MYO3A: variants seen among roughly 807,000 people sequenced by gnomAD.
MYO3A encodes the protein myosin-IIIa.
Under a neutral mutation model 192.7 loss-of-function variants are expected in MYO3A, and 180 were observed. That is an observed-to-expected ratio of 0.93 (90% confidence interval 0.83 to 1.06). MYO3A has a LOEUF of 1.06. Among genes scored for constraint, MYO3A ranks in the 50% least tolerant of loss-of-function variants. MYO3A has a pLI of 0.00. For missense variants in MYO3A, 1,896 were observed against 1,905.0 expected, an observed-to-expected ratio of 1.00 and a Z score of 0.09; for synonymous variants, 628 against 645.3, an observed-to-expected ratio of 0.97 and a Z score of 0.41.
rs758223666 is a variant in MYO3A, at chr10:26,211,899, C to T, written c.4787C>T (p.Pro1596Leu). Residue 1596 changes from proline to leucine, a missense_variant, in exon 35 of 35, where the codon CCC (proline) becomes CTC (leucine). Transcript: ENST00000642920. The stretch of plus-strand genomic sequence containing the variant: ...GAGGAGAGAGAGCCAGCAGCCAACC[C>T]CTACGACTTCAGGAGGCTCCTGCGC... ...KEEEREPAAN[P>L]YDFRRLLRKT... 2.1e-5 allele frequency: 34 copies of T among 1,613,928 alleles called. 1 individual carries two copies. Among genetic ancestry groups the T allele is most frequent in the Non-Finnish European group, 2.9e-5 (34 of 1,180,008 alleles).
intron 32 of MYO3A, among the ~76,000 whole-genome samples, chr10:26,193,701 C>T (rs1000793095): frequency 4.6e-5 from 7 of 152,268 alleles, no homozygotes; most frequent in East Asian, 1.9e-4. Flanking sequence ...GGGAAACAGA[C>T]GTTTATTAAG....
In MYO3A at chr10:26,088,231, T is replaced by C. The variant is rs1836463868; in HGVS notation, c.1388T>C (p.Ile463Thr). 8 of 1,612,338 alleles carry C rather than the reference T, an allele frequency of 5.0e-6. No individual in the cohort carries two copies. Among genetic ancestry groups the C allele is most frequent in the Non-Finnish European group, 5.1e-6 (6 of 1,179,206 alleles). ...KANNRTLQEK[I>T]LQVNNLVEAF... ...AATAACAGAACCTTGCAAGAGAAGA[T>C]TTTACAAGTGAACAATTTGGTAGAA... The change falls in exon 15 of 35, where the codon ATT becomes ACT. Residue 463 changes from isoleucine to threonine, a missense_variant. Ile to Thr is a moderately conservative substitution (Grantham distance 89). Transcript: ENST00000642920.
chr10:26,182,445 A>C (rs1386498880), intron 31 of MYO3A, among the ~76,000 whole-genome samples: 1 of 152,242 alleles, frequency 6.6e-6, no homozygotes, highest in Non-Finnish European at 1.5e-5. Context: ...GATAGGAACC[A>C]AAAACCCTTT....
intron 10 of MYO3A, among the ~76,000 whole-genome samples, chr10:26,034,767 G>T (rs984701480): frequency 1.3e-5 from 2 of 151,246 alleles, no homozygotes; most frequent in Non-Finnish European, 2.9e-5. Context: ...TGATGGATTT[G>T]CTTCAAAATT....
At chr10:25,968,013 G>A (rs1251255623) in intron 4 of MYO3A, among the ~76,000 whole-genome samples, 3 of 152,084 alleles carry the variant, frequency 2.0e-5, no homozygotes, top group Non-Finnish European at 4.4e-5. Flanking sequence ...AGGGGGTGGA[G>A]GATATCATTT....
intron 15 of MYO3A, among the ~76,000 whole-genome samples, chr10:26,089,337 C>A (rs1836547580): frequency 1.3e-5 from 2 of 152,118 alleles, no homozygotes; most frequent in South Asian, 4.1e-4. Flanking sequence ...CACAGTGGCT[C>A]ACACCTGTAA....
chr10:26,174,605 A>C, intron 30 of MYO3A, 48 bp downstream of exon 30: 1 of 1,471,426 alleles, frequency 6.8e-7, no homozygotes, highest in Admixed American at 1.7e-5. Flanking sequence ...CCTGGGAACT[A>C]TACAATAACT....
chr10:26,050,373 C>G (rs903787716), intron 10 of MYO3A, among the ~76,000 whole-genome samples: 5 of 152,186 alleles, frequency 3.3e-5, no homozygotes, highest in African/African-American at 1.2e-4. Context: ...CACCATCAAC[C>G]TTCCTAGCCA....
chr10:26,085,043 T>A (rs1342634213), intron 14 of MYO3A, among the ~76,000 whole-genome samples: 2 of 152,224 alleles, frequency 1.3e-5, no homozygotes, highest in Non-Finnish European at 1.5e-5. Context: ...CCCAAATTGC[T>A]TGTAGATAAT....
chr10:25,990,488 A>T (rs1196705493), intron 4 of MYO3A, among the ~76,000 whole-genome samples: 2 of 151,598 alleles, frequency 1.3e-5, no homozygotes, highest in Non-Finnish European at 2.9e-5. Flanking sequence ...TTAAGGTAAA[A>T]GAGTTGTATT....
intron 10 of MYO3A, among the ~76,000 whole-genome samples, chr10:26,064,185 A>T (rs926878957): frequency 2.0e-5 from 3 of 152,196 alleles, no homozygotes; most frequent in Admixed American, 6.5e-5. Flanking sequence ...CCACTAATTG[A>T]CAAGGGCTCA....
chr10:25,993,225 G>T (rs1479895919), intron 4 of MYO3A, among the ~76,000 whole-genome samples: 1 of 151,992 alleles, frequency 6.6e-6, no homozygotes, highest in African/African-American at 2.4e-5. Context: ...ACTTCTTCCT[G>T]GTTTAGACTT....
chr10:26,158,018 C>A (rs1410210845), intron 26 of MYO3A, among the ~76,000 whole-genome samples: 1 of 152,072 alleles, frequency 6.6e-6, no homozygotes, highest in African/African-American at 2.4e-5. Flanking sequence ...AAAGAATTAT[C>A]CAGCCCCAAA....
chr10:26,004,951 A>G (rs1841091327), intron 6 of MYO3A, among the ~76,000 whole-genome samples: 1 of 152,218 alleles, frequency 6.6e-6, no homozygotes, highest in South Asian at 2.1e-4. Context: ...TTTGGTAACC[A>G]TCTATGTAAT....
chr10:25,965,672 T>G (rs1489208208), intron 4 of MYO3A, among the ~76,000 whole-genome samples: 2 of 151,852 alleles, frequency 1.3e-5, no homozygotes, highest in Non-Finnish European at 2.9e-5. Flanking sequence ...ATATATAGAG[T>G]GCAAACCTGC....
At chr10:26,128,746 G>A (rs1839369270) in intron 20 of MYO3A, among the ~76,000 whole-genome samples, 1 of 152,154 alleles carries the variant, frequency 6.6e-6, no homozygotes, top group African/African-American at 2.4e-5. Context: ...GATGTTAAAT[G>A]TCCTCCATTG....
At chr10:26,048,786 C>A (rs1187104107) in intron 10 of MYO3A, among the ~76,000 whole-genome samples, 1 of 152,146 alleles carries the variant, frequency 6.6e-6, no homozygotes, top group East Asian at 1.9e-4. Flanking sequence ...GTAGTCTGGA[C>A]TTCAGGGGAG....
chr10:26,162,333 A>G (rs60219343), intron 26 of MYO3A, among the ~76,000 whole-genome samples: 2,642 of 152,324 alleles, frequency 0.017, 84 homozygotes, highest in African/African-American at 0.058. Context: ...CACAGCAAAA[A>G]TATTTTTACT....
chr10:26,211,802 T>G (rs778092092), intron 34 of MYO3A, 41 bp from the exon 35 acceptor site: 24 of 1,611,794 alleles, frequency 1.5e-5, no homozygotes, highest in Non-Finnish European at 2.0e-5. Context: ...CGCTGCTCAC[T>G]GTGGTGAGGT....
Sources: allele counts gnomAD v4.1 joint callset (sites outside exome capture counted in the v4.1 genomes callset), GRCh38; gene constraint gnomAD v4.1.1; transcripts MANE v1.5; gene names NCBI Gene and HGNC (gene_info 2026-07-23, HGNC 2026-07-21).